The following TAMM41 variants were observed in gnomAD, a reference collection of about 807,000 sequenced individuals.
The protein encoded by TAMM41 is phosphatidate cytidylyltransferase, mitochondrial.
In TAMM41, 36 loss-of-function variants were observed where a neutral mutation model predicts 44.1. The observed-to-expected ratio is 0.82, with a 90% CI of 0.63 to 1.08. The LOEUF (loss-of-function observed/expected upper bound fraction) is 1.08. Among genes scored for constraint, TAMM41 ranks in the 50% least tolerant of loss-of-function variants. The pLI, the probability that TAMM41 is intolerant of heterozygous loss-of-function variation, is 0.00. For missense variants in TAMM41, 417 were observed against 404.3 expected (o/e 1.03, Z -0.27); for synonymous variants, 164 against 153.1 (o/e 1.07, Z -0.53).
chr3:11,787,301 G>A (rs149682313), downstream of TAMM41, among the ~76,000 whole-genome samples: 271 of 152,314 alleles, frequency 1.8e-3, 1 homozygote, highest in Middle Eastern at 6.8e-3. Context: ...CTACTGCTAG[G>A]AGGTGGGCCA....
the TAMM41 span, among the ~76,000 whole-genome samples, chr3:11,731,777 G>C: frequency 6.6e-6 from 1 of 152,110 alleles, no homozygotes; most frequent in African/African-American, 2.4e-5. Context: ...GTGATGCCCA[G>C]TCCAGCTTCC....
At chr3:11,769,355 A>AT in the TAMM41 span, among the ~76,000 whole-genome samples, 440 of 132,886 alleles carry the variant, frequency 3.3e-3, 1 homozygote, top group Middle Eastern at 0.019. Context: ...CTCCCAAGAG[A>AT]TTTTTTTTTT....
chr3:11,773,024 A>C, the TAMM41 span, among the ~76,000 whole-genome samples: 1 of 152,122 alleles, frequency 6.6e-6, no homozygotes, highest in East Asian at 1.9e-4. Flanking sequence ...TGGTGCGATC[A>C]CAGCTCACTG....
rs2079568801 is a variant in TAMM41, at chr3:11,844,106, G to C, written c.241C>G (p.Pro81Ala). The change falls in exon 2 of 8, where the codon CCC becomes GCC. Residue 81 changes from proline (P) to alanine (A), a missense_variant. Physicochemically the swap from Pro to Ala is conservative, Grantham distance 27. Coordinates refer to ENST00000455809, the MANE Select transcript of TAMM41 (RefSeq NM_001284401.2). ...TTCTGGATGGACGTGATAATCTTGG[G>C]CCCTAAAACTTTTAGGAAAGAGTAG... ...SHYSFLKVLG[P>A]KIITSIQNNY... 3 of 1,614,178 alleles carry C rather than the reference G, an allele frequency of 1.9e-6. No homozygotes were observed. Among genetic ancestry groups the C allele is most frequent in the Non-Finnish European group, 2.5e-6 (3 of 1,180,018 alleles).
intron 4 of TAMM41, among the ~76,000 whole-genome samples, chr3:11,818,290 A>C (rs1458573955): frequency 6.6e-6 from 1 of 152,170 alleles, no homozygotes; most frequent in Non-Finnish European, 1.5e-5. Context: ...AAACTAGGTC[A>C]CTTCTGAGGG....
At chr3:11,841,392 T>C (rs1033361900) in intron 2 of TAMM41, among the ~76,000 whole-genome samples, 1 of 152,164 alleles carries the variant, frequency 6.6e-6, no homozygotes, top group African/African-American at 2.4e-5. Context: ...CAGTTAAGCC[T>C]ATTTCAATAA....
the TAMM41 span, among the ~76,000 whole-genome samples, chr3:11,769,575 A>T: frequency 1.3e-5 from 2 of 152,196 alleles, no homozygotes; most frequent in South Asian, 4.1e-4. Flanking sequence ...TATTTCATTT[A>T]AGAAAGAACC....
intron 5 of TAMM41, among the ~76,000 whole-genome samples, chr3:11,812,890 G>T (rs2078135703): frequency 6.6e-6 from 1 of 152,110 alleles, no homozygotes; most frequent in Non-Finnish European, 1.5e-5. Context: ...GAGGGTGAAG[G>T]GAATCTGGAG....
chr3:11,843,920 G>T, intron 2 of TAMM41, 109 bp downstream of exon 2: 1 of 1,109,928 alleles, frequency 9.0e-7, no homozygotes, highest in Non-Finnish European at 1.3e-6. Flanking sequence ...ACAACGTCCA[G>T]CAGGAGTGTG....
chr3:11,732,065 C>G, the TAMM41 span, among the ~76,000 whole-genome samples: 1 of 152,034 alleles, frequency 6.6e-6, no homozygotes. Context: ...CGTGGTTTCG[C>G]CATGTTGCCC....
intron 3 of TAMM41, among the ~76,000 whole-genome samples, chr3:11,837,444 C>A (rs1321010606): frequency 6.6e-6 from 1 of 151,086 alleles, no homozygotes; most frequent in Non-Finnish European, 1.5e-5. Context: ...ATTGCAAATA[C>A]TTGTTAAAAG....
the TAMM41 span, among the ~76,000 whole-genome samples, chr3:11,736,479 G>A: frequency 6.6e-6 from 1 of 152,230 alleles, no homozygotes; most frequent in Non-Finnish European, 1.5e-5. Flanking sequence ...GAAGCAGCAG[G>A]TTTAAATCAA....
the TAMM41 span, among the ~76,000 whole-genome samples, chr3:11,722,258 T>C: frequency 1.2e-4 from 19 of 152,172 alleles, no homozygotes; most frequent in African/African-American, 4.1e-4. Context: ...TTAATCTCAC[T>C]CTTTGCCTTA....
downstream of TAMM41, among the ~76,000 whole-genome samples, chr3:11,789,808 C>G (rs2124905574): frequency 6.6e-6 from 1 of 152,342 alleles, no homozygotes; most frequent in Non-Finnish European, 1.5e-5. Context: ...TGCCAGCAGT[C>G]TCATGACAGA....
At chr3:11,763,656 T>A in the TAMM41 span, among the ~76,000 whole-genome samples, 3 of 152,210 alleles carry the variant, frequency 2.0e-5, no homozygotes, top group African/African-American at 4.8e-5. Context: ...TAATATTACT[T>A]TATATTTCAA....
chr3:11,836,889 G>C (rs943702011), intron 3 of TAMM41, among the ~76,000 whole-genome samples: 1 of 152,228 alleles, frequency 6.6e-6, no homozygotes, highest in African/African-American at 2.4e-5. Flanking sequence ...ACTTAGAAAT[G>C]AGAAATGTAT....
the TAMM41 span, among the ~76,000 whole-genome samples, chr3:11,782,714 C>T: frequency 1.3e-5 from 2 of 152,194 alleles, no homozygotes; most frequent in African/African-American, 2.4e-5. Context: ...AGTACTTTCA[C>T]AGATAATGGC....
chr3:11,832,899 A>T, intron 3 of TAMM41: 1 of 831,532 alleles, frequency 1.2e-6, no homozygotes, highest in Non-Finnish European at 1.5e-6. Flanking sequence ...TTCCCAGTTA[A>T]CAAAATACCA....
At chr3:11,733,289 G>A in the TAMM41 span, among the ~76,000 whole-genome samples, 5 of 151,870 alleles carry the variant, frequency 3.3e-5, no homozygotes, top group East Asian at 1.9e-4. Context: ...ATGAGCCACC[G>A]CACCAAGCCT....
Sources: gnomAD v4.1 joint callset for allele counts (sites outside exome capture counted in the v4.1 genomes callset) on GRCh38, gnomAD v4.1.1 for gene constraint, MANE v1.5 for transcripts, NCBI Gene and HGNC (gene_info 2026-07-23, HGNC 2026-07-21) for gene names.